ANOS1: variants seen among roughly 807,000 people sequenced by gnomAD.
ANOS1 encodes anosmin 1.
Under a neutral mutation model 59.0 loss-of-function variants are expected in ANOS1, and 6 were observed. The observed-to-expected ratio is 0.10, with a 90% CI of 0.06 to 0.20. The LOEUF is 0.20. Ranked by LOEUF, ANOS1 falls within the 10% of genes least tolerant of loss-of-function variation. The pLI, the probability that ANOS1 is intolerant of heterozygous loss-of-function variation, is 1.00. For missense variants in ANOS1, 433 were observed against 542.3 expected (o/e 0.80, Z 2.00); for synonymous variants, 217 against 223.4 (o/e 0.97, Z 0.25).
At chrX:8,716,602 A>G (rs1322662136) in intron 1 of ANOS1, among the ~76,000 whole-genome samples, 1 of 111,896 alleles carries the variant, frequency 8.9e-6, no homozygotes, top group African/African-American at 3.3e-5. Flanking sequence ...TGCACTCTGG[A>G]TCACCCTGTA....
At chrX:8,594,652 A>ATG (rs1188275050) in intron 4 of ANOS1, among the ~76,000 whole-genome samples, 1 of 31,662 alleles carries the variant, frequency 3.2e-5, no homozygotes, top group African/African-American at 1.5e-4. Flanking sequence ...ACATATATAT[A>ATG]TATGTGTATA....
intron 2 of ANOS1, among the ~76,000 whole-genome samples, chrX:8,638,630 G>C (rs1179938294): frequency 8.9e-6 from 1 of 112,231 alleles, no homozygotes; most frequent in African/African-American, 3.2e-5. Flanking sequence ...GATATGTCTA[G>C]GCAGAAAACA....
At chrX:8,671,182 C>T (rs1353152846) in intron 2 of ANOS1, among the ~76,000 whole-genome samples, 1 of 111,630 alleles carries the variant, frequency 9.0e-6, no homozygotes, top group Admixed American at 9.6e-5. Flanking sequence ...ACTTGATCCT[C>T]TAAGGCCCTG....
At chrX:8,608,634 A>C (rs1288200426) in intron 3 of ANOS1, among the ~76,000 whole-genome samples, 1 of 112,148 alleles carries the variant, frequency 8.9e-6, no homozygotes. Context: ...TGATATGATT[A>C]GGCTTTGTGT....
chrX:8,711,490 T>C (rs767183094), intron 1 of ANOS1, among the ~76,000 whole-genome samples: 1 of 112,882 alleles, frequency 8.9e-6, no homozygotes, highest in Non-Finnish European at 1.9e-5. Context: ...AAAATTAATG[T>C]CTTCTTTTCT....
At chrX:8,609,359 G>A (rs1329312447) in intron 3 of ANOS1, among the ~76,000 whole-genome samples, 3 of 111,889 alleles carry the variant, frequency 2.7e-5, no homozygotes, top group Non-Finnish European at 5.6e-5. Context: ...AGCAACTGCA[G>A]ACCACAAGCC....
At chrX:8,582,152 A>G (rs1188533160) in intron 6 of ANOS1, among the ~76,000 whole-genome samples, 2 of 112,635 alleles carry the variant, frequency 1.8e-5, no homozygotes, top group Non-Finnish European at 3.7e-5. Flanking sequence ...AACAGTGCAC[A>G]AGATTAACAA....
chrX:8,698,313 T>C (rs1426708602), intron 2 of ANOS1, among the ~76,000 whole-genome samples: 1 of 112,339 alleles, frequency 8.9e-6, no homozygotes, highest in African/African-American at 3.2e-5. Flanking sequence ...TTTAAAGTAA[T>C]TCAAATAAGC....
intron 9 of ANOS1, among the ~76,000 whole-genome samples, chrX:8,546,806 T>G (rs1333022989): frequency 8.9e-6 from 1 of 112,095 alleles, no homozygotes; most frequent in Non-Finnish European, 1.9e-5. Context: ...TGTTAGTCAT[T>G]CAAGCTAGAA....
At chrX:8,696,704 A>T (rs1932689521) in intron 2 of ANOS1, among the ~76,000 whole-genome samples, 1 of 112,677 alleles carries the variant, frequency 8.9e-6, no homozygotes, top group Non-Finnish European at 1.9e-5. Context: ...GAGCCAGATA[A>T]TCCTTGCTGT....
intron 1 of ANOS1, among the ~76,000 whole-genome samples, chrX:8,706,009 A>G (rs6530195): frequency 0.47 from 52,333 of 111,087 alleles, 9,294 homozygotes; most frequent in African/African-American, 0.63. Context: ...AACTGCACCC[A>G]GCCGTTATTT....
At chrX:8,585,663 T>C (rs1169677822) in intron 5 of ANOS1, among the ~76,000 whole-genome samples, 1 of 112,320 alleles carries the variant, frequency 8.9e-6, no homozygotes, top group Non-Finnish European at 1.9e-5. Context: ...TGGTGACTAA[T>C]TACAGCATTT....
At chrX:8,658,641 T>C (rs1372078792) in intron 2 of ANOS1, among the ~76,000 whole-genome samples, 1 of 112,293 alleles carries the variant, frequency 8.9e-6, no homozygotes, top group Non-Finnish European at 1.9e-5. Context: ...AATGGAATAA[T>C]TGTAGCCATG....
chrX:8,545,442 T>C (rs1352732978), intron 9 of ANOS1, among the ~76,000 whole-genome samples: 1 of 106,853 alleles, frequency 9.4e-6, no homozygotes. Context: ...GCCAGAAAGC[T>C]TAAAACAATT....
At chrX:8,580,666 GC>G (rs1930405579) in intron 6 of ANOS1, among the ~76,000 whole-genome samples, 1 of 111,889 alleles carries the variant, frequency 8.9e-6, no homozygotes, top group Non-Finnish European at 1.9e-5. Flanking sequence ...AAGAAGTTTG[GC>G]TTTTCCATGA....
intron 2 of ANOS1, among the ~76,000 whole-genome samples, chrX:8,665,744 A>G (rs1266215095): frequency 8.9e-6 from 1 of 112,755 alleles, no homozygotes; most frequent in Non-Finnish European, 1.9e-5. Context: ...ATTGGAAAAT[A>G]AAACAATCAG....
chrX:8,641,158 C>T (rs760554429), intron 2 of ANOS1, among the ~76,000 whole-genome samples: 3 of 111,639 alleles, frequency 2.7e-5, no homozygotes, highest in African/African-American at 9.8e-5. Context: ...ACAGGGGATT[C>T]GAAAGCAATA....
At position 8,601,690 on chromosome X, in the gene ANOS1, G is replaced by T. The variant is rs180690233; in HGVS notation, c.319-4434C>A. 4.4e-3 allele frequency among the ~76,000 whole-genome samples: 493 copies of T among 111,821 alleles called. 2 individuals carry two copies. Among genetic ancestry groups the T allele is most frequent in the African/African-American group, 0.015 (470 of 30,813 alleles). ...ACATATGTTCATCTTTGCACCCATG[G>T]TTTCTAGACTGGTTTATAATCTTGA... On this transcript the variant is annotated intron_variant, in intron 3 of 13. Coordinates refer to ENST00000262648, the MANE Select transcript of ANOS1 (RefSeq NM_000216.4).
At chrX:8,650,371 G>C (rs1292686085) in intron 2 of ANOS1, among the ~76,000 whole-genome samples, 1 of 112,303 alleles carries the variant, frequency 8.9e-6, no homozygotes, top group East Asian at 2.8e-4. Context: ...ATCAGAGCTA[G>C]AAGATGGGTT....
Sources: gnomAD v4.1 joint callset for allele counts (sites outside exome capture counted in the v4.1 genomes callset) on GRCh38, gnomAD v4.1.1 for gene constraint, MANE v1.5 for transcripts, NCBI Gene and HGNC (gene_info 2026-07-23, HGNC 2026-07-21) for gene names.